COX10: variants seen among roughly 807,000 people sequenced by gnomAD.
COX10 encodes protoheme IX farnesyltransferase, mitochondrial.
In COX10, 27 loss-of-function variants were observed where a neutral mutation model predicts 37.3. The ratio of observed to expected loss-of-function variants is 0.72; its 90% CI spans 0.53 to 1.00. The LOEUF is 1.00. COX10 is among the 50% of genes least tolerant of loss of function. COX10 has a pLI of 0.00. For synonymous variants in COX10, 222 were observed against 229.1 expected (o/e 0.97, Z 0.28); for missense variants, 475 against 563.2 (o/e 0.84, Z 1.59).
intron 5 of COX10, 81 bp from the exon 6 acceptor site, chr17:14,191,908 T>C (rs1906212264): frequency 6.7e-7 from 1 of 1,482,402 alleles, no homozygotes; most frequent in African/African-American, 1.4e-5. Context: ...GGATTATTTG[T>C]ACTTTGTCAG....
At chr17:14,153,784 T>TGCA (rs1904969047) in intron 4 of COX10, among the ~76,000 whole-genome samples, 2 of 152,228 alleles carry the variant, frequency 1.3e-5, no homozygotes, top group Non-Finnish European at 2.9e-5. Flanking sequence ...TACAAAGACT[T>TGCA]GCACACAGAT....
At chr17:14,183,954 T>G (rs1905947816) in intron 5 of COX10, among the ~76,000 whole-genome samples, 1 of 152,198 alleles carries the variant, frequency 6.6e-6, no homozygotes, top group South Asian at 2.1e-4. Context: ...AATGAGAAAT[T>G]TTAATGAATG....
intron 6 of COX10, among the ~76,000 whole-genome samples, chr17:14,194,616 G>A (rs376649555): frequency 2.0e-5 from 3 of 152,020 alleles, no homozygotes; most frequent in Non-Finnish European, 4.4e-5. Flanking sequence ...TAATAGAGAC[G>A]GGGTTTCACC....
At chr17:14,124,819 T>A (rs1916300394) in intron 4 of COX10, among the ~76,000 whole-genome samples, 1 of 151,792 alleles carries the variant, frequency 6.6e-6, no homozygotes, top group African/African-American at 2.4e-5. Flanking sequence ...GTTTTAATGT[T>A]ATGAGAATGT....
chr17:14,157,764 C>G (rs2142238055), intron 4 of COX10, among the ~76,000 whole-genome samples: 1 of 152,266 alleles, frequency 6.6e-6, no homozygotes, highest in East Asian at 1.9e-4. Flanking sequence ...CTGACTACGG[C>G]CACACTCTTG....
chr17:14,122,102 T>C (rs1916242057), intron 4 of COX10, among the ~76,000 whole-genome samples: 2 of 152,086 alleles, frequency 1.3e-5, no homozygotes, highest in Admixed American at 1.3e-4. Context: ...TAGAGGCATG[T>C]CGACCAGTTA....
intron 6 of COX10, among the ~76,000 whole-genome samples, chr17:14,204,984 A>G (rs1339839732): frequency 6.6e-6 from 1 of 151,900 alleles, no homozygotes; most frequent in East Asian, 1.9e-4. Flanking sequence ...ACGTGCACCT[A>G]TAGTGCCAGC....
chr17:14,138,581 T>C (rs781650362), intron 4 of COX10, among the ~76,000 whole-genome samples: 13 of 152,148 alleles, frequency 8.5e-5, no homozygotes, highest in Non-Finnish European at 1.6e-4. Context: ...TAAGTAAACA[T>C]AGATTTCTGT....
At chr17:14,167,137 A>T (rs1378121657) in intron 5 of COX10, among the ~76,000 whole-genome samples, 1 of 152,192 alleles carries the variant, frequency 6.6e-6, no homozygotes, top group African/African-American at 2.4e-5. Context: ...TATGACCTTG[A>T]GGAGTTTAAT....
chr17:14,077,457 A>C (rs1915183143), intron 3 of COX10: 1 of 228,996 alleles, frequency 4.4e-6, no homozygotes, highest in African/African-American at 2.4e-5. Flanking sequence ...TGAGTCTCCC[A>C]GTTCACTTCT....
At chr17:14,174,285 C>A (rs1251545512) in intron 5 of COX10, among the ~76,000 whole-genome samples, 2 of 151,780 alleles carry the variant, frequency 1.3e-5, no homozygotes, top group Non-Finnish European at 2.9e-5. Flanking sequence ...TATAGTGAGA[C>A]CTCATCTTTA....
chr17:14,197,438 C>A (rs1906399887), intron 6 of COX10, among the ~76,000 whole-genome samples: 1 of 151,882 alleles, frequency 6.6e-6, no homozygotes, highest in African/African-American at 2.4e-5. Flanking sequence ...ATTTTTTTTC[C>A]CCCCACAACT....
intron 3 of COX10, among the ~76,000 whole-genome samples, chr17:14,094,343 T>C (rs1047256396): frequency 6.6e-6 from 1 of 151,460 alleles, no homozygotes; most frequent in Admixed American, 6.6e-5. Context: ...ATAAATAAAA[T>C]TCATGTATTC....
intron 3 of COX10, among the ~76,000 whole-genome samples, chr17:14,096,231 T>TA (rs1477687585): frequency 1.3e-5 from 2 of 152,134 alleles, no homozygotes; most frequent in African/African-American, 4.8e-5. Context: ...AGTCACCTCT[T>TA]ATAGGCCCAA....
At chr17:14,136,267 A>G (rs1904362880) in intron 4 of COX10, among the ~76,000 whole-genome samples, 1 of 152,004 alleles carries the variant, frequency 6.6e-6, no homozygotes, top group South Asian at 2.1e-4. Context: ...CAAACAAGAA[A>G]ATTACTTCAT....
chr17:14,165,570 A>G (rs997291772), intron 5 of COX10, among the ~76,000 whole-genome samples: 1 of 152,196 alleles, frequency 6.6e-6, no homozygotes, highest in Admixed American at 6.5e-5. Flanking sequence ...CTATTCCCTG[A>G]GAACCAACAA....
chr17:14,114,558 G>A (rs562992078), intron 4 of COX10, among the ~76,000 whole-genome samples: 1 of 152,086 alleles, frequency 6.6e-6, no homozygotes, highest in African/African-American at 2.4e-5. Context: ...TTATGCCATT[G>A]ATGTTTTACT....
chr17:14,182,160 G>A (rs1426526773), intron 5 of COX10: 1 of 981,134 alleles, frequency 1.0e-6, no homozygotes. Flanking sequence ...CGAACATCAT[G>A]ATGCATGCCT....
chr17:14,146,878 C>T (rs566196612), intron 4 of COX10, among the ~76,000 whole-genome samples: 1 of 152,228 alleles, frequency 6.6e-6, no homozygotes, highest in South Asian at 2.1e-4. Context: ...AAATGGCAGA[C>T]AGGCATATGA....
Sources: gnomAD v4.1 joint callset for allele counts (sites outside exome capture counted in the v4.1 genomes callset) on GRCh38, gnomAD v4.1.1 for gene constraint, MANE v1.5 for transcripts, NCBI Gene and HGNC (gene_info 2026-07-23, HGNC 2026-07-21) for gene names.